The following KHDC1 variants were observed in gnomAD, a reference collection of about 807,000 sequenced individuals.
The protein encoded by KHDC1 is KH homology domain-containing protein 1.
KHDC1 carries 21 observed loss-of-function variants against 24.7 expected under a neutral mutation model. The observed-to-expected ratio is 0.85, with a 90% CI of 0.60 to 1.23. The LOEUF (loss-of-function observed/expected upper bound fraction) is 1.23. Ranked by LOEUF, KHDC1 falls within the 50% of genes most tolerant of loss-of-function variation. The pLI is 0.00. For synonymous variants in KHDC1, 98 were observed against 111.7 expected (o/e 0.88, Z 0.77); for missense variants, 274 against 298.5 (o/e 0.92, Z 0.61).
rs1405256605 is a variant in KHDC1 at position 73,298,422 on chromosome 6, AATT to A, written c.164-6385_164-6383del. Among the ~76,000 whole-genome samples, 777 of 115,040 alleles carry A rather than the reference AATT, an allele frequency of 6.8e-3. 11 individuals are homozygous for A. The highest frequency in any genetic ancestry group is 0.01 in the Non-Finnish European group (613 of 61,296). The allele number at this position is 115,040 out of a possible 152,430, so 75.5% of individuals were successfully genotyped here. On this transcript the variant is annotated intron_variant, in intron 1 of 4. Transcript: ENST00000370384. ...CCCTGGAAGGACTCTATACTTTGCA[AATT>A]TTTTTTTTTTTTTTTTTTTTTTTTT...
Position 73,241,609 on chromosome 6 carries a change from C to A in KHDC1, c.634G>T (p.Val212Leu), listed in dbSNP as rs367849614. ...GAAGGCTGAGGAACGCTAAGACACA[C>A]GGTTCCACTTATCCTGGGAGCCAAA... is the stretch of plus-strand genomic sequence containing the variant. The change falls in exon 5 of 5, where the codon GTG (valine) becomes TTG (leucine). Residue 212 changes from valine (V) to leucine (L), a missense_variant. Physicochemically the swap from Val to Leu is conservative, Grantham distance 32 (BLOSUM62 1). Transcript: ENST00000370384. 2.5e-6 allele frequency: 4 copies of A among 1,614,056 alleles called. No homozygotes were observed. The Admixed American group carries it at 6.7e-5, about 27-fold the overall frequency.
chr6:73,243,745 C>T (rs78545073), intron 2 of KHDC1, among the ~76,000 whole-genome samples: 6,676 of 152,282 alleles, frequency 0.044, 152 homozygotes, highest in Middle Eastern at 0.075. Context: ...AACTGTTCTG[C>T]CTGAGCAGTA....
At chr6:73,304,141 T>G (rs1311317609) in intron 1 of KHDC1, among the ~76,000 whole-genome samples, 1 of 151,512 alleles carries the variant, frequency 6.6e-6, no homozygotes, top group Non-Finnish European at 1.5e-5. Flanking sequence ...ATCATGCCAC[T>G]GCACACCAGC....
chr6:73,250,205 C>G (rs1766752776), intron 2 of KHDC1, among the ~76,000 whole-genome samples: 1 of 152,056 alleles, frequency 6.6e-6, no homozygotes, highest in Non-Finnish European at 1.5e-5. Context: ...AAAATAGAAC[C>G]CTGTTTAGTG....
At chr6:73,249,259 C>A (rs974371362) in intron 2 of KHDC1, among the ~76,000 whole-genome samples, 1 of 151,734 alleles carries the variant, frequency 6.6e-6, no homozygotes, top group African/African-American at 2.4e-5. Flanking sequence ...CCAGCCGAGG[C>A]GACAGAGTGA....
chr6:73,244,480 C>T (rs1408559277), intron 2 of KHDC1, among the ~76,000 whole-genome samples: 1 of 152,036 alleles, frequency 6.6e-6, no homozygotes, highest in African/African-American at 2.4e-5. Flanking sequence ...AAAATTAATA[C>T]TGTCAGGAAA....
At chr6:73,293,487 A>G (rs1184108134) in intron 1 of KHDC1, among the ~76,000 whole-genome samples, 1 of 152,204 alleles carries the variant, frequency 6.6e-6, no homozygotes, top group Non-Finnish European at 1.5e-5. Context: ...AGTTGTAAGA[A>G]GTTACAAAGA....
chr6:73,261,503 C>G (rs1176716176), intron 2 of KHDC1, among the ~76,000 whole-genome samples: 1 of 152,002 alleles, frequency 6.6e-6, no homozygotes, highest in Non-Finnish European at 1.5e-5. Flanking sequence ...GGCACAGTGG[C>G]TCACACCTGT....
exon 2 of KHDC1, chr6:73,292,007 C>A: frequency 6.2e-7 from 1 of 1,613,930 alleles, no homozygotes; most frequent in Non-Finnish European, 8.5e-7. Flanking sequence ...CCTTTTGGAT[C>A]GGCATCTAGT....
intron 2 of KHDC1, among the ~76,000 whole-genome samples, chr6:73,280,795 C>T (rs1290070203): frequency 6.6e-6 from 1 of 151,638 alleles, no homozygotes; most frequent in East Asian, 2.0e-4. Flanking sequence ...GCTGGGATTA[C>T]AGGTGTGAGC....
chr6:73,309,622 G>T, exon 1 of KHDC1: 1 of 1,549,692 alleles, frequency 6.5e-7, no homozygotes, highest in Non-Finnish European at 8.7e-7. Flanking sequence ...TCTGGAGAAA[G>T]GGCCATCCAT....
intron 2 of KHDC1, among the ~76,000 whole-genome samples, chr6:73,278,945 A>T (rs938048220): frequency 5.3e-5 from 8 of 152,212 alleles, no homozygotes; most frequent in South Asian, 2.1e-4. Flanking sequence ...ATGTGAATAC[A>T]TTCTCTCACA....
In KHDC1 at chr6:73,247,855, C is replaced by CAAAAA. The variant is rs60650206; in HGVS notation, c.207-5330_207-5326dup. Reference sequence around the variant, plus strand: ...TGGGAAATAGAGCAAGACTCTGTCTCAAAAAAAAAAAAAAAAAAAGAGAGA... The same window carrying CAAAAA: ...TGGGAAATAGAGCAAGACTCTGTCTCAAAAAAAAAAAAAAAAAAAAAAAAGAGAGA... On this transcript the variant is annotated intron_variant, in intron 2 of 4. Coordinates refer to ENST00000370384, the Ensembl canonical transcript of KHDC1. 1.6e-3 allele frequency among the ~76,000 whole-genome samples: 144 copies of CAAAAA among 89,506 alleles called. 5 individuals are homozygous for CAAAAA. The highest frequency in any genetic ancestry group is 2.8e-3 in the African/African-American group (70 of 24,966). 58.7% of individuals were successfully genotyped at this position (89,506 alleles called of 152,430 possible).
At chr6:73,307,425 CAATA>C (rs1016411414) in intron 1 of KHDC1, among the ~76,000 whole-genome samples, 5 of 151,940 alleles carry the variant, frequency 3.3e-5, no homozygotes, top group African/African-American at 1.2e-4. Flanking sequence ...CCCTGTCTCA[CAATA>C]AATAAATAAA....
intron 2 of KHDC1, among the ~76,000 whole-genome samples, chr6:73,291,585 C>T (rs1007575245): frequency 2.3e-4 from 35 of 152,004 alleles, no homozygotes; most frequent in African/African-American, 8.0e-4. Flanking sequence ...CCTCAGCCTC[C>T]CAGAGTGCTG....
intron 2 of KHDC1, chr6:73,290,459 C>A: frequency 2.9e-6 from 1 of 349,014 alleles, no homozygotes; most frequent in Non-Finnish European, 5.6e-6. Flanking sequence ...ACTTTGATTT[C>A]CAAATGGAAT....
intron 2 of KHDC1, among the ~76,000 whole-genome samples, chr6:73,249,423 T>C (rs1766737640): frequency 2.0e-5 from 3 of 152,200 alleles, no homozygotes; most frequent in Middle Eastern, 3.4e-3. Flanking sequence ...GAAAATAATA[T>C]TATCCAAAGT....
chr6:73,255,196 T>C (rs543210138), intron 2 of KHDC1, among the ~76,000 whole-genome samples: 204 of 149,864 alleles, frequency 1.4e-3, no homozygotes, highest in Non-Finnish European at 2.7e-3. Context: ...ATTATTGGTT[T>C]ACTAAAAAAA....
intron 1 of KHDC1, among the ~76,000 whole-genome samples, chr6:73,307,741 C>T (rs1582594349): frequency 1.3e-5 from 2 of 152,258 alleles, no homozygotes; most frequent in South Asian, 4.1e-4. Flanking sequence ...AAGAGAGCAG[C>T]TGATCATATG....
Sources: allele counts gnomAD v4.1 joint callset (sites outside exome capture counted in the v4.1 genomes callset), GRCh38; gene constraint gnomAD v4.1.1; transcripts MANE v1.5; gene names NCBI Gene and HGNC (gene_info 2026-07-23, HGNC 2026-07-21).